STK39: variants seen among roughly 807,000 people sequenced by gnomAD.
STK39 encodes STE20/SPS1-related proline-alanine-rich protein kinase.
A neutral mutation model predicts 77.8 loss-of-function variants in STK39; 20 were observed. The observed-to-expected ratio is 0.26, with a 90% CI of 0.18 to 0.37. STK39 has a LOEUF of 0.37. Ranked by LOEUF, STK39 falls within the 10% of genes least tolerant of loss-of-function variation. The pLI is 1.00. For missense variants in STK39, 479 were observed against 656.5 expected (o/e 0.73, Z 2.95); for synonymous variants, 246 against 234.1 (o/e 1.05, Z -0.47).
chr2:168,087,571 C>T (rs957092840), intron 10 of STK39, among the ~76,000 whole-genome samples: 1 of 152,214 alleles, frequency 6.6e-6, no homozygotes, highest in African/African-American at 2.4e-5. Flanking sequence ...TAGCTGTGCC[C>T]TAGAGCTCCA....
At position 168,065,399 on chromosome 2, in the gene STK39, G is replaced by A. The variant is rs753492514; in HGVS notation, c.1243-18C>T. On this transcript the variant is annotated intron_variant, in intron 12 of 17. Coordinates refer to ENST00000355999, the MANE Select transcript of STK39 (RefSeq NM_013233.3). Reference sequence around the variant, plus strand: ...ACTGCAATCTGTTACGAGAGCCACCGTTACAGCATTCAAGAAAGCCAAAGG... The same window carrying A: ...ACTGCAATCTGTTACGAGAGCCACCATTACAGCATTCAAGAAAGCCAAAGG... 19 of 1,613,808 alleles carry A rather than the reference G, an allele frequency of 1.2e-5. No individual in the cohort carries two copies. The highest frequency in any genetic ancestry group is 1.7e-5 in the Admixed American group (1 of 60,016).
chr2:168,121,552 C>CTG (rs1687406680), intron 10 of STK39, among the ~76,000 whole-genome samples: 1 of 152,154 alleles, frequency 6.6e-6, no homozygotes, highest in South Asian at 2.1e-4. Context: ...GAACTAACTA[C>CTG]TGTAATTATT....
rs575372889 is a variant in STK39 at position 168,239,474 on chromosome 2, T to G, written c.208+7754A>C. ...CCACAACACAGGCAGGTGGACGCAC[T>G]CAAAGTGCTTACTCTTGATCTGTGA... On this transcript the variant is annotated intron_variant, in intron 1 of 17. Coordinates refer to ENST00000355999, the MANE Select transcript of STK39 (RefSeq NM_013233.3). Among the ~76,000 whole-genome samples the G allele has an allele frequency of 2.6e-5, 4 of 152,290 alleles. No homozygotes were observed. In the East Asian group the frequency reaches 7.7e-4, roughly 29 times the overall value.
intron 16 of STK39, among the ~76,000 whole-genome samples, chr2:168,009,123 G>A (rs555336501): frequency 2.0e-4 from 30 of 152,268 alleles, no homozygotes; most frequent in Admixed American, 5.2e-4. Context: ...CAAAGCCAGG[G>A]CAATTGTCTT....
At chr2:168,088,102 T>A (rs1010322909) in intron 10 of STK39, among the ~76,000 whole-genome samples, 1 of 152,212 alleles carries the variant, frequency 6.6e-6, no homozygotes, top group Non-Finnish European at 1.5e-5. Context: ...CTGATTTTTG[T>A]GGAATGGAAA....
intron 10 of STK39, among the ~76,000 whole-genome samples, chr2:168,101,477 C>T (rs996232898): frequency 6.6e-6 from 1 of 152,164 alleles, no homozygotes; most frequent in African/African-American, 2.4e-5. Flanking sequence ...GTGGCTCACA[C>T]CTGTAATCCC....
chr2:168,109,840 G>A (rs747376194), intron 10 of STK39, among the ~76,000 whole-genome samples: 42 of 152,286 alleles, frequency 2.8e-4, no homozygotes, highest in Non-Finnish European at 5.3e-4. Context: ...ATATAATCCT[G>A]AGCCATTCAT....
At chr2:168,184,171 C>T (rs544548032) in intron 1 of STK39, among the ~76,000 whole-genome samples, 4 of 152,288 alleles carry the variant, frequency 2.6e-5, no homozygotes, top group African/African-American at 9.6e-5. Context: ...ACAGAGATAC[C>T]TCTCATAGTT....
intron 10 of STK39, among the ~76,000 whole-genome samples, chr2:168,102,838 G>A (rs190236007): frequency 4.7e-4 from 70 of 149,120 alleles, no homozygotes; most frequent in South Asian, 1.7e-3. Context: ...GCTGAGGCAG[G>A]AGAATGGCAT....
intron 1 of STK39, among the ~76,000 whole-genome samples, chr2:168,228,522 G>A (rs555359253): frequency 1.9e-4 from 29 of 152,220 alleles, no homozygotes; most frequent in African/African-American, 5.5e-4. Flanking sequence ...CAGGATCAGC[G>A]GCTCACACCT....
At chr2:168,059,007 G>C (rs897810037) in intron 14 of STK39, among the ~76,000 whole-genome samples, 2 of 152,188 alleles carry the variant, frequency 1.3e-5, no homozygotes, top group Non-Finnish European at 2.9e-5. Flanking sequence ...CTAACTCTCT[G>C]TGCCCATGAC....
intron 1 of STK39, among the ~76,000 whole-genome samples, chr2:168,246,897 G>A (rs1434140518): frequency 1.3e-5 from 2 of 151,880 alleles, no homozygotes; most frequent in East Asian, 2.0e-4. Context: ...CCGGCACGCG[G>A]GGGGAGGAAG....
intron 1 of STK39, among the ~76,000 whole-genome samples, chr2:168,183,017 A>G (rs1689122186): frequency 6.6e-6 from 1 of 152,190 alleles, no homozygotes; most frequent in African/African-American, 2.4e-5. Flanking sequence ...TGATTCATCA[A>G]ATAGCATCAT....
Position 168,063,675 on chromosome 2 carries a change from C to G in STK39, c.1306-105G>C. ...TATAGCCATTTCTTTCTGGAAATTT[C>G]AAAACTAGATCTTTACACACGCAGG... On this transcript the variant is annotated intron_variant, in intron 13 of 17. Coordinates refer to ENST00000355999, the MANE Select transcript of STK39 (RefSeq NM_013233.3). The G allele has an allele frequency of 6.5e-6, 7 of 1,078,864 alleles. No individual in the cohort carries two copies. In the South Asian group the frequency reaches 1.0e-4, roughly 16 times the overall value. 66.8% of individuals were successfully genotyped at this position (1,078,864 alleles called of 1,614,324 possible). A position where few individuals can be genotyped will look rare whatever the true frequency, so the allele number is the denominator to read the frequency against.
At chr2:167,987,191 A>T (rs950419750) in intron 16 of STK39, among the ~76,000 whole-genome samples, 4 of 152,192 alleles carry the variant, frequency 2.6e-5, no homozygotes, top group African/African-American at 9.6e-5. Context: ...AAGACAATGC[A>T]GTGCCAGACC....
chr2:168,136,760 T>C (rs1237758304), intron 8 of STK39, among the ~76,000 whole-genome samples: 1 of 152,156 alleles, frequency 6.6e-6, no homozygotes, highest in African/African-American at 2.4e-5. Flanking sequence ...AAAACAAAAT[T>C]AGAATCTAAG....
chr2:168,247,303 G>GGGACGGGGCCGGGGCCGC lies in STK39; in HGVS notation c.132_133insGCGGCCCCGGCCCCGTCC (p.Ala44_Pro45insAlaAlaProAlaProSer), dbSNP rs1690950055. The GGGACGGGGCCGGGGCCGC allele has an allele frequency of 9.7e-7, 1 of 1,035,872 alleles. No homozygotes were observed. The highest frequency in any genetic ancestry group is 5.6e-5 in the Admixed American group (1 of 17,728). The allele number at this position is 1,035,872 out of a possible 1,614,324, so 64.2% of individuals were successfully genotyped here. On this transcript the variant is annotated inframe_insertion, in exon 1 of 18. Coordinates refer to ENST00000355999, the MANE Select transcript of STK39 (RefSeq NM_013233.3). Reference sequence around the variant, plus strand: ...GCCTGTGCCGCCGGGGCCGGGGCCGGGGCCGGGGCCGCGGGAGCTGCCGGG... The same window carrying GGGACGGGGCCGGGGCCGC: ...GCCTGTGCCGCCGGGGCCGGGGCCGGGGACGGGGCCGGGGCCGCGGCCGGGGCCGCGGGAGCTGCCGGG...
chr2:167,983,593 T>A (rs528991539), intron 16 of STK39, among the ~76,000 whole-genome samples: 17 of 152,076 alleles, frequency 1.1e-4, no homozygotes, highest in Non-Finnish European at 1.6e-4. Context: ...CTCTCTCTTT[T>A]CCTAAAATTT....
At chr2:168,014,236 G>T (rs1684349402) in intron 15 of STK39, among the ~76,000 whole-genome samples, 1 of 152,108 alleles carries the variant, frequency 6.6e-6, no homozygotes. Context: ...TGTAATTCCA[G>T]CACTTTAGGA....
Sources: allele counts gnomAD v4.1 joint callset (sites outside exome capture counted in the v4.1 genomes callset), GRCh38; gene constraint gnomAD v4.1.1; transcripts MANE v1.5; gene names NCBI Gene and HGNC (gene_info 2026-07-23, HGNC 2026-07-21).